Variants in NUDCD3 observed in about 807,000 individuals in gnomAD.
The protein encoded by NUDCD3 is nudC domain-containing protein 3.
Under a neutral mutation model 39.7 loss-of-function variants are expected in NUDCD3, and 13 were observed. That is an observed-to-expected ratio of 0.33 (90% CI 0.21 to 0.52). NUDCD3 has a LOEUF of 0.52. Ranked by LOEUF, NUDCD3 falls within the 20% of genes least tolerant of loss-of-function variation. The pLI, the probability that NUDCD3 is intolerant of heterozygous loss-of-function variation, is 0.96. For synonymous variants in NUDCD3, 175 were observed against 172.4 expected (o/e 1.02, Z -0.12); for missense variants, 453 against 458.1 (o/e 0.99, Z 0.10).
intron 5 of NUDCD3, among the ~76,000 whole-genome samples, chr7:44,388,790 G>A (rs554281685): frequency 3.2e-4 from 49 of 152,334 alleles, no homozygotes; most frequent in African/African-American, 1.1e-3. Context: ...CCTGCATGTC[G>A]CTGAAGATCT....
intron 2 of NUDCD3, among the ~76,000 whole-genome samples, chr7:44,431,508 C>T (rs1799362197): frequency 6.6e-6 from 1 of 152,038 alleles, no homozygotes; most frequent in African/African-American, 2.4e-5. Flanking sequence ...ACAGGGAGAG[C>T]TAGCAGCACT....
At chr7:44,430,674 A>G (rs1348316651) in intron 2 of NUDCD3, among the ~76,000 whole-genome samples, 1 of 152,120 alleles carries the variant, frequency 6.6e-6, no homozygotes, top group Non-Finnish European at 1.5e-5. Flanking sequence ...AAAAGTTGGG[A>G]AAAAGAAACG....
intron 2 of NUDCD3, among the ~76,000 whole-genome samples, chr7:44,442,448 T>TG (rs1334480847): frequency 6.6e-6 from 1 of 151,862 alleles, no homozygotes; most frequent in African/African-American, 2.4e-5. Flanking sequence ...AGCCTGAGGG[T>TG]GTAAGCACAT....
chr7:44,484,281 T>C (rs1321628562), intron 2 of NUDCD3, among the ~76,000 whole-genome samples: 1 of 152,152 alleles, frequency 6.6e-6, no homozygotes, highest in Non-Finnish European at 1.5e-5. Context: ...TATAACTAAG[T>C]TTAGAGCACC....
At chr7:44,406,229 T>A (rs993550401) in intron 3 of NUDCD3, among the ~76,000 whole-genome samples, 2 of 152,236 alleles carry the variant, frequency 1.3e-5, no homozygotes, top group Non-Finnish European at 2.9e-5. Context: ...CAGGTTCACA[T>A]GCAGACTCCA....
At position 44,379,650 on chromosome 7, in the gene NUDCD3, T is replaced by C. The variant is rs1459666851; in HGVS notation, c.*6361A>G. 1.3e-5 allele frequency: 2 copies of C among 152,292 alleles called. No individual in the cohort carries two copies. The highest frequency in any genetic ancestry group is 2.9e-5 in the Non-Finnish European group (2 of 68,130). 9.4% of individuals were successfully genotyped at this position (152,292 alleles called of 1,614,324 possible). On this transcript the variant is annotated 3_prime_UTR_variant, in exon 6 of 6. Coordinates refer to ENST00000355451, the MANE Select transcript of NUDCD3 (RefSeq NM_015332.4). ...TGGTGTTGCTTTAAGTTTCTGGGGA[T>C]AGCAAAAGCTTAAGAAGTGACTCTT...
At chr7:44,460,545 A>G (rs1464726456) in intron 2 of NUDCD3, among the ~76,000 whole-genome samples, 2 of 152,124 alleles carry the variant, frequency 1.3e-5, no homozygotes, top group African/African-American at 4.8e-5. Context: ...ACCAGCATAT[A>G]TAATACTTAC....
chr7:44,433,093 C>T (rs1342280331), intron 2 of NUDCD3, among the ~76,000 whole-genome samples: 1 of 152,146 alleles, frequency 6.6e-6, no homozygotes, highest in Non-Finnish European at 1.5e-5. Flanking sequence ...GAGGACACCA[C>T]AAGAAAACAG....
chr7:44,391,320 A>G (rs936167447), intron 5 of NUDCD3, among the ~76,000 whole-genome samples: 3 of 152,182 alleles, frequency 2.0e-5, no homozygotes, highest in African/African-American at 4.8e-5. Context: ...CCTTCACCTC[A>G]TAAGAGCAGG....
At chr7:44,457,824 C>CA (rs1006117875) in intron 2 of NUDCD3, among the ~76,000 whole-genome samples, 1 of 151,700 alleles carries the variant, frequency 6.6e-6, no homozygotes, top group Non-Finnish European at 1.5e-5. Flanking sequence ...TAGCCACAAT[C>CA]AAAAAAAATA....
chr7:44,407,213 C>G (rs1798839747), intron 3 of NUDCD3, among the ~76,000 whole-genome samples: 1 of 148,982 alleles, frequency 6.7e-6, no homozygotes, highest in South Asian at 2.2e-4. Flanking sequence ...ACACAGTAGA[C>G]AAACCCATCA....
At chr7:44,411,200 AG>A (rs1446959866) in intron 3 of NUDCD3, among the ~76,000 whole-genome samples, 1 of 152,190 alleles carries the variant, frequency 6.6e-6, no homozygotes, top group Non-Finnish European at 1.5e-5. Context: ...TAAATGCAAG[AG>A]TTAAAATCTG....
At chr7:44,433,904 T>A (rs1008258828) in intron 2 of NUDCD3, among the ~76,000 whole-genome samples, 3 of 152,142 alleles carry the variant, frequency 2.0e-5, no homozygotes, top group African/African-American at 7.2e-5. Context: ...CCTCCCTTTT[T>A]CCTCCTGCTC....
At chr7:44,440,297 ACTAC>A (rs1044838285) in intron 2 of NUDCD3, among the ~76,000 whole-genome samples, 4 of 152,304 alleles carry the variant, frequency 2.6e-5, no homozygotes, top group African/African-American at 9.6e-5. Flanking sequence ...ATAAGAAAAC[ACTAC>A]ATAGACCCAA....
intron 4 of NUDCD3, among the ~76,000 whole-genome samples, chr7:44,399,263 T>G (rs747549639): frequency 2.8e-4 from 43 of 152,234 alleles, no homozygotes; most frequent in Non-Finnish European, 5.1e-4. Context: ...ATCTGTAAGC[T>G]TCAGCTCTTC....
At chr7:44,481,648 G>A (rs1013438737) in intron 2 of NUDCD3, among the ~76,000 whole-genome samples, 1 of 152,194 alleles carries the variant, frequency 6.6e-6, no homozygotes, top group African/African-American at 2.4e-5. Flanking sequence ...TTTTATAAAT[G>A]TATTTCTCCA....
chr7:44,426,473 T>C (rs780201731), intron 3 of NUDCD3, among the ~76,000 whole-genome samples: 15 of 152,068 alleles, frequency 9.9e-5, no homozygotes, highest in Non-Finnish European at 2.2e-4. Flanking sequence ...AGCACATGCA[T>C]GCCACCTATG....
chr7:44,461,077 C>T (rs750704777), intron 2 of NUDCD3, among the ~76,000 whole-genome samples: 1 of 152,230 alleles, frequency 6.6e-6, no homozygotes, highest in Non-Finnish European at 1.5e-5. Flanking sequence ...GACTATACCC[C>T]TCCCAAGGGG....
At chr7:44,417,131 C>T (rs921491583) in intron 3 of NUDCD3, among the ~76,000 whole-genome samples, 1 of 152,212 alleles carries the variant, frequency 6.6e-6, no homozygotes, top group Admixed American at 6.5e-5. Context: ...TCCCACATGC[C>T]CAGTTCCTGG....
Sources: allele counts gnomAD v4.1 joint callset (sites outside exome capture counted in the v4.1 genomes callset), GRCh38; gene constraint gnomAD v4.1.1; transcripts MANE v1.5; gene names NCBI Gene and HGNC (gene_info 2026-07-23, HGNC 2026-07-21).